ASTN2: variants seen among roughly 807,000 people sequenced by gnomAD.
ASTN2 encodes the protein astrotactin 2.
A neutral mutation model predicts 139.8 loss-of-function variants in ASTN2; 54 were observed. That is an observed-to-expected ratio of 0.39 (90% CI 0.31 to 0.48). The LOEUF (loss-of-function observed/expected upper bound fraction) is 0.48, where lower values mean the gene tolerates loss of function less well. Ranked by LOEUF, ASTN2 falls within the 20% of genes least tolerant of loss-of-function variation. ASTN2 has a pLI of 0.95. For synonymous variants in ASTN2, 756 were observed against 719.5 expected, an observed-to-expected ratio of 1.05 and a Z score of -0.81; for missense variants, 1,565 against 1,725.1, an observed-to-expected ratio of 0.91 and a Z score of 1.64.
At chr9:116,530,127 A>G (rs1449801053) in intron 19 of ASTN2, among the ~76,000 whole-genome samples, 51 of 36,486 alleles carry the variant, frequency 1.4e-3, no homozygotes, top group Admixed American at 9.8e-3. Flanking sequence ...ATATATATAT[A>G]TATATATATA....
intron 16 of ASTN2, among the ~76,000 whole-genome samples, chr9:116,689,320 TAAC>T (rs1860445401): frequency 6.6e-6 from 1 of 152,232 alleles, no homozygotes; most frequent in Non-Finnish European, 1.5e-5. Context: ...GGGGTTATGA[TAAC>T]AAGACCAATG....
intron 5 of ASTN2, among the ~76,000 whole-genome samples, chr9:117,085,046 C>T (rs2132731539): frequency 6.6e-6 from 1 of 152,266 alleles, no homozygotes; most frequent in East Asian, 1.9e-4. Flanking sequence ...CCAGAGTGCC[C>T]AGCCTCCTAT....
In ASTN2 at chr9:116,699,599, G is replaced by A. The variant is rs746299779; in HGVS notation, c.2806+26172C>T. ...TTATTCGAGAGGGACTTACCTGTCC[G>A]GTGGGCATAGCCCTAACTCCTAAGG... On this transcript the variant is annotated intron_variant, in intron 16 of 22. Transcript: ENST00000313400. The surrounding 1 kb of genome is among the most constrained non-coding windows in gnomAD (Gnocchi z 4.2). The A allele has an allele frequency of 2.7e-5, 44 of 1,614,058 alleles. No homozygotes were observed. The highest frequency in any genetic ancestry group is 1.5e-4 in the Admixed American group (9 of 60,006).
At chr9:117,349,180 G>T (rs188473681) in intron 1 of ASTN2, among the ~76,000 whole-genome samples, 2 of 152,146 alleles carry the variant, frequency 1.3e-5, no homozygotes, top group Non-Finnish European at 2.9e-5. Flanking sequence ...GGAAGCTGCC[G>T]GGGCGGGTGA....
chr9:117,105,220 C>G (rs1432981052), intron 4 of ASTN2, among the ~76,000 whole-genome samples: 2 of 152,168 alleles, frequency 1.3e-5, no homozygotes, highest in Non-Finnish European at 2.9e-5. Flanking sequence ...GGAAGTGACT[C>G]TGCAGGATTT....
At chr9:116,464,029 C>T (rs748340752) in intron 20 of ASTN2, among the ~76,000 whole-genome samples, 18 of 150,458 alleles carry the variant, frequency 1.2e-4, no homozygotes, top group Non-Finnish European at 2.2e-4. Context: ...ATTAAAGGTG[C>T]CAGCCACCAT....
At chr9:116,782,625 A>C (rs1238479567) in intron 13 of ASTN2, among the ~76,000 whole-genome samples, 1 of 152,192 alleles carries the variant, frequency 6.6e-6, no homozygotes, top group Non-Finnish European at 1.5e-5. Flanking sequence ...AGAGATCTGC[A>C]TACTTGCCAC....
intron 1 of ASTN2, among the ~76,000 whole-genome samples, chr9:117,373,136 C>A (rs777790744): frequency 6.6e-6 from 1 of 152,102 alleles, no homozygotes; most frequent in African/African-American, 2.4e-5. Flanking sequence ...GTATGAGCCA[C>A]GCATTTAAAA....
At chr9:117,003,953 CGTGTGTGT>C (rs3038371) in intron 7 of ASTN2, among the ~76,000 whole-genome samples, 3 of 146,226 alleles carry the variant, frequency 2.1e-5, no homozygotes, top group South Asian at 2.2e-4. Flanking sequence ...CGCGCGCGCG[CGTGTGTGT>C]GTGTGTGTGT....
intron 2 of ASTN2, among the ~76,000 whole-genome samples, chr9:117,252,098 G>T (rs1013743573): frequency 2.6e-5 from 4 of 152,300 alleles, no homozygotes; most frequent in Admixed American, 6.5e-5. Context: ...CGATAAAGGA[G>T]ATTTTTGCAT....
rs576181263 is a variant in ASTN2 at position 116,956,754 on chromosome 9, A to G, written c.1889+18454T>C. On this transcript the variant is annotated intron_variant, in intron 10 of 22. Transcript: ENST00000313400. Reference sequence around the variant, plus strand: ...GTTGCACAGTATGGGGTCAACGTATAAAAGTCGATTGTATTTCTCTACACT... The same window carrying G: ...GTTGCACAGTATGGGGTCAACGTATGAAAGTCGATTGTATTTCTCTACACT... Among the ~76,000 whole-genome samples, 11 of 152,238 alleles carry G rather than the reference A, an allele frequency of 7.2e-5. No homozygotes were observed. In the East Asian group the frequency reaches 1.4e-3, roughly 19 times the overall value.
chr9:116,977,239 A>G (rs1836365449), intron 7 of ASTN2, among the ~76,000 whole-genome samples: 1 of 152,204 alleles, frequency 6.6e-6, no homozygotes, highest in Non-Finnish European at 1.5e-5. Flanking sequence ...CCCAAGTTAA[A>G]TGCCGCTATC....
intron 1 of ASTN2, among the ~76,000 whole-genome samples, chr9:117,338,217 T>C (rs1248828211): frequency 6.6e-6 from 1 of 152,178 alleles, no homozygotes; most frequent in Non-Finnish European, 1.5e-5. Context: ...TATTATTTTC[T>C]ACTCAAATTA....
intron 19 of ASTN2, among the ~76,000 whole-genome samples, chr9:116,586,833 C>CACAT (rs1554717116): frequency 4.2e-5 from 5 of 118,068 alleles, no homozygotes; most frequent in Admixed American, 2.6e-4. Context: ...CACATACATA[C>CACAT]ACACACACAC....
At chr9:116,892,257 A>G (rs554652527) in intron 10 of ASTN2, among the ~76,000 whole-genome samples, 2 of 152,332 alleles carry the variant, frequency 1.3e-5, no homozygotes, top group African/African-American at 2.4e-5. Flanking sequence ...TTCTTCACAT[A>G]TAATTCTTGA....
rs149616990 is a variant in ASTN2, at chr9:116,493,359, G to C, written c.3356-5859C>G. 4.1e-3 allele frequency among the ~76,000 whole-genome samples: 624 copies of C among 152,208 alleles called. 10 individuals carry two copies. In the Middle Eastern group the frequency reaches 0.071, roughly 17 times the overall value. ...ATTCTTTTCCTGTTTTTCTTTCCTT[G>C]AAAACAGATAGGGAGTTGGGAGTCG... On this transcript the variant is annotated intron_variant, in intron 19 of 22. Coordinates refer to ENST00000313400, the MANE Select transcript of ASTN2 (RefSeq NM_001365068.1).
intron 13 of ASTN2, among the ~76,000 whole-genome samples, chr9:116,774,734 C>G (rs892674676): frequency 5.3e-5 from 8 of 152,090 alleles, no homozygotes; most frequent in African/African-American, 1.5e-4. Context: ...TTCATATTTA[C>G]CAACATATCC....
At chr9:116,441,446 A>G (rs1847836918) in intron 21 of ASTN2, among the ~76,000 whole-genome samples, 1 of 152,076 alleles carries the variant, frequency 6.6e-6, no homozygotes, top group Non-Finnish European at 1.5e-5. Context: ...ACTTAAGAGT[A>G]AAAATGGGAG....
intron 20 of ASTN2, among the ~76,000 whole-genome samples, chr9:116,483,798 A>C (rs1849249145): frequency 1.3e-5 from 2 of 152,106 alleles, no homozygotes; most frequent in Non-Finnish European, 1.5e-5. Flanking sequence ...CTAGGATCTC[A>C]TGCACCTTGA....
Sources: gnomAD v4.1 joint callset for allele counts (sites outside exome capture counted in the v4.1 genomes callset) on GRCh38, gnomAD v4.1.1 for gene constraint, Gnocchi (gnomAD v3.1) non-coding constraint, MANE v1.5 for transcripts, NCBI Gene and HGNC (gene_info 2026-07-23, HGNC 2026-07-21) for gene names.